ZSCAN25: variants seen among roughly 807,000 people sequenced by gnomAD.
The protein encoded by ZSCAN25 is zinc finger and SCAN domain containing 25.
A neutral mutation model predicts 38.7 loss-of-function variants in ZSCAN25; 27 were observed. That is an observed-to-expected ratio of 0.70 (90% CI 0.51 to 0.96). The LOEUF is 0.96. Among genes scored for constraint, ZSCAN25 ranks in the 40% least tolerant of loss-of-function variants. The pLI, the probability that ZSCAN25 is intolerant of heterozygous loss-of-function variation, is 0.00. For missense variants in ZSCAN25, 637 were observed against 705.9 expected, an observed-to-expected ratio of 0.90 and a Z score of 1.11; for synonymous variants, 273 against 277.7, an observed-to-expected ratio of 0.98 and a Z score of 0.17.
chr7:99,620,030 C>T (rs776898509), intron 4 of ZSCAN25, 37 bp downstream of exon 4: 26 of 1,569,322 alleles, frequency 1.7e-5, no homozygotes, highest in Non-Finnish European at 2.0e-5. Context: ...GCGCCCTTGG[C>T]GTGGGCAGGG....
chr7:99,734,153 C>T, the ZSCAN25 span, among the ~76,000 whole-genome samples: 2 of 152,212 alleles, frequency 1.3e-5, no homozygotes, highest in South Asian at 2.1e-4. Context: ...AACTATGTTA[C>T]CACAACTCAC....
the ZSCAN25 span, among the ~76,000 whole-genome samples, chr7:99,665,751 C>G: frequency 6.6e-6 from 1 of 152,210 alleles, no homozygotes; most frequent in Non-Finnish European, 1.5e-5. Context: ...AATTCCTCTT[C>G]AACACTTTAC....
chr7:99,671,633 T>C, the ZSCAN25 span: 1 of 565,960 alleles, frequency 1.8e-6, no homozygotes, highest in African/African-American at 1.9e-5. Context: ...TTAAACTATA[T>C]AACTCTTAGA....
chr7:99,634,233 A>G (rs1209609664), downstream of ZSCAN25, among the ~76,000 whole-genome samples: 2 of 152,248 alleles, frequency 1.3e-5, no homozygotes, highest in Non-Finnish European at 2.9e-5. Flanking sequence ...ATATTTCATC[A>G]AGAAAGTTTG....
At chr7:99,720,395 T>C in the ZSCAN25 span, 3 of 1,613,728 alleles carry the variant, frequency 1.9e-6, no homozygotes, top group South Asian at 3.3e-5. Context: ...CAGCATAGGC[T>C]GTTGACAGTC....
chr7:99,688,543 A>G, the ZSCAN25 span, among the ~76,000 whole-genome samples: 948 of 152,320 alleles, frequency 6.2e-3, 6 homozygotes, highest in African/African-American at 0.022. Flanking sequence ...TGACCTACAA[A>G]GAGACTTTGA....
chr7:99,630,168 A>G lies in ZSCAN25; in HGVS notation c.*148A>G, dbSNP rs1807883071. On this transcript the variant is annotated 3_prime_UTR_variant, in exon 8 of 8. Transcript: ENST00000394152. Reference sequence around the variant, plus strand: ...GAAAGGCAAGGCCTGGCTTACTTAGAGCTTCCAGAGAGCATAGCTGCTTCC... The same window carrying G: ...GAAAGGCAAGGCCTGGCTTACTTAGGGCTTCCAGAGAGCATAGCTGCTTCC... 4 of 1,417,824 alleles carry G rather than the reference A, an allele frequency of 2.8e-6. No homozygotes were observed. The Admixed American group carries it at 1.2e-4, about 43-fold the overall frequency. The allele number at this position is 1,417,824 out of a possible 1,614,324, so 87.8% of individuals were successfully genotyped here.
chr7:99,705,699 A>T, the ZSCAN25 span: 1 of 1,386,660 alleles, frequency 7.2e-7, no homozygotes, highest in East Asian at 2.4e-5. Context: ...CTTTGTAAAC[A>T]TATAAAAACT....
At chr7:99,737,668 C>T in the ZSCAN25 span, among the ~76,000 whole-genome samples, 1 of 152,186 alleles carries the variant, frequency 6.6e-6, no homozygotes, top group East Asian at 1.9e-4. Context: ...TCCTCTAAAA[C>T]ACTTACTTGG....
At chr7:99,645,241 G>C in the ZSCAN25 span, among the ~76,000 whole-genome samples, 1 of 152,096 alleles carries the variant, frequency 6.6e-6, no homozygotes, top group Admixed American at 6.5e-5. Context: ...TGCCCACCTC[G>C]GCTTCTGAAA....
rs1434396993 is a variant in ZSCAN25, at chr7:99,630,656, A to G, written c.*636A>G. ...GCCCCGTGCTGGATCTTCCCTCCCC[A>G]GCTGGGATCTGCTCCCAGGCAACTG... On this transcript the variant is annotated 3_prime_UTR_variant, in exon 8 of 8. Transcript: ENST00000394152. 2 of 985,532 alleles carry G rather than the reference A, an allele frequency of 2.0e-6. No homozygotes were observed. Among genetic ancestry groups the G allele is most frequent in the Non-Finnish European group, 2.4e-6 (2 of 830,062 alleles). The allele number at this position is 985,532 out of a possible 1,614,324, so 61.0% of individuals were successfully genotyped here. A position where few individuals can be genotyped will look rare whatever the true frequency, so the allele number is the denominator to read the frequency against.
At position 99,619,600 on chromosome 7, in the gene ZSCAN25, T is replaced by C; in HGVS notation, c.-7T>C. Reference sequence around the variant, plus strand: ...TCATTCTCAGTCTCCTCGGAGGGAGTCTGAAGATGCTTAAAGAGCATCCAG... The same window carrying C: ...TCATTCTCAGTCTCCTCGGAGGGAGCCTGAAGATGCTTAAAGAGCATCCAG... On this transcript the variant is annotated 5_prime_UTR_variant, in exon 4 of 8. Coordinates refer to ENST00000394152, the MANE Select transcript of ZSCAN25 (RefSeq NM_145115.3). 6.2e-7 allele frequency: 1 copy of C among 1,607,322 alleles called. No individual in the cohort carries two copies.
chr7:99,712,951 A>G, the ZSCAN25 span, among the ~76,000 whole-genome samples: 1 of 152,212 alleles, frequency 6.6e-6, no homozygotes, highest in African/African-American at 2.4e-5. Context: ...TCCATTGCAA[A>G]GGAAAAAATA....
chr7:99,672,880 G>A, the ZSCAN25 span: 3 of 1,391,322 alleles, frequency 2.2e-6, no homozygotes, highest in South Asian at 1.6e-5. Flanking sequence ...GGCTTCATAT[G>A]ATGAAGGGTA....
At chr7:99,705,736 C>T in the ZSCAN25 span, 11 of 1,016,952 alleles carry the variant, frequency 1.1e-5, 1 homozygote, top group South Asian at 7.3e-5. Context: ...ATCTTGGATT[C>T]GTTATACTTA....
At chr7:99,697,396 A>AC in the ZSCAN25 span, among the ~76,000 whole-genome samples, 1 of 152,192 alleles carries the variant, frequency 6.6e-6, no homozygotes. Flanking sequence ...CATCAACTCA[A>AC]CCGTGAATCT....
the ZSCAN25 span, among the ~76,000 whole-genome samples, chr7:99,703,065 T>G: frequency 3.2e-4 from 49 of 152,352 alleles, no homozygotes; most frequent in East Asian, 7.7e-4. Flanking sequence ...CATATAGAAA[T>G]GCTACTAATT....
the ZSCAN25 span, chr7:99,659,390 G>A: frequency 4.9e-4 from 75 of 154,462 alleles, no homozygotes; most frequent in Non-Finnish European, 1.6e-4. Context: ...GCAGAACAGC[G>A]GTATTGGTGA....
Position 99,629,654 on chromosome 7 carries a change from C to T in ZSCAN25, c.1269C>T (p.Arg423=), listed in dbSNP as rs1190746703. Residue 423 remains arginine (R), a synonymous_variant, in exon 8 of 8, where the codon CGC becomes CGT. Coordinates refer to ENST00000394152, the MANE Select transcript of ZSCAN25 (RefSeq NM_145115.3). This position sits in a 1 kb window ranked among gnomAD's most constrained non-coding sequence, Gnocchi z 5.6. Reference sequence around the variant, plus strand: ...GACACCACCTGGAGGTGCACCAGCGCAGCCACACTGGGGAGAAGCCCTACA... The same window carrying T: ...GACACCACCTGGAGGTGCACCAGCGTAGCCACACTGGGGAGAAGCCCTACA... The part of the protein sequence containing the change: ...SQRHHLEVHQ[R]SHTGEKPYKC... The T allele has an allele frequency of 1.9e-6, 3 of 1,614,060 alleles. No homozygotes were observed. The highest frequency in any genetic ancestry group is 1.1e-5 in the South Asian group (1 of 91,088).
Sources: allele counts gnomAD v4.1 joint callset (sites outside exome capture counted in the v4.1 genomes callset), GRCh38; gene constraint gnomAD v4.1.1; non-coding constraint Gnocchi (gnomAD v3.1); transcripts MANE v1.5; gene names NCBI Gene and HGNC (gene_info 2026-07-23, HGNC 2026-07-21).